Variants in CLASP1 observed in about 807,000 individuals in gnomAD.
The protein encoded by CLASP1 is CLIP-associating protein 1.
CLASP1 carries 38 observed loss-of-function variants against 192.3 expected under a neutral mutation model. That is an observed-to-expected ratio of 0.20 (90% CI 0.15 to 0.26). The LOEUF is 0.26. Ranked by LOEUF, CLASP1 falls within the 10% of genes least tolerant of loss-of-function variation. The pLI is 1.00. For missense variants in CLASP1, 1,433 were observed against 1,932.5 expected (o/e 0.74, Z 4.85); for synonymous variants, 691 against 712.8 (o/e 0.97, Z 0.49).
In CLASP1 at chr2:121,373,175, G is replaced by T. The variant is rs113572814; in HGVS notation, c.3642+4324C>A. Among the ~76,000 whole-genome samples the T allele has an allele frequency of 6.3e-3, 967 of 152,296 alleles. 12 individuals carry two copies. Among genetic ancestry groups the T allele is most frequent in the African/African-American group, 0.022 (923 of 41,546 alleles). ...TTGCTGTTCTCATGATAGTGAGTGA[G>T]TTCTCATAAGACCTGGTTGTTTAGA... On this transcript the variant is annotated intron_variant, in intron 34 of 39. Coordinates refer to ENST00000263710, the Ensembl canonical transcript of CLASP1.
At chr2:121,643,970 CA>C (rs1192689216) in intron 1 of CLASP1, among the ~76,000 whole-genome samples, 1 of 152,108 alleles carries the variant, frequency 6.6e-6, no homozygotes, top group African/African-American at 2.4e-5. Flanking sequence ...AACAAGGTCC[CA>C]AAGAGATTCC....
At chr2:121,505,573 T>C (rs1213218350) in intron 7 of CLASP1, among the ~76,000 whole-genome samples, 4 of 152,170 alleles carry the variant, frequency 2.6e-5, no homozygotes, top group African/African-American at 9.7e-5. Flanking sequence ...AGCACAAAAA[T>C]ATAAAATGTC....
chr2:121,608,214 G>T (rs75724348), intron 1 of CLASP1, among the ~76,000 whole-genome samples: 1 of 152,054 alleles, frequency 6.6e-6, no homozygotes, highest in Non-Finnish European at 1.5e-5. Flanking sequence ...TCAACGATAC[G>T]GGAAAACTTA....
chr2:121,630,707 T>TA (rs1559819868), intron 1 of CLASP1, among the ~76,000 whole-genome samples: 1 of 145,950 alleles, frequency 6.9e-6, no homozygotes, highest in African/African-American at 2.6e-5. Flanking sequence ...CTACTGAAAA[T>TA]AAAAAAATTA....
intron 2 of CLASP1, among the ~76,000 whole-genome samples, chr2:121,555,139 C>T (rs1343155187): frequency 6.6e-6 from 1 of 152,214 alleles, no homozygotes; most frequent in Non-Finnish European, 1.5e-5. Context: ...GCTCACGCTG[C>T]ACACAAACCT....
chr2:121,463,257 T>C (rs768640701), intron 9 of CLASP1, among the ~76,000 whole-genome samples: 37 of 152,176 alleles, frequency 2.4e-4, no homozygotes, highest in Non-Finnish European at 4.1e-4. Flanking sequence ...TTTTTTCACA[T>C]TGTAAAAATT....
chr2:121,594,572 T>C (rs1488518278), intron 2 of CLASP1, among the ~76,000 whole-genome samples: 1 of 151,844 alleles, frequency 6.6e-6, no homozygotes, highest in African/African-American at 2.4e-5. Flanking sequence ...TCTGTATTTT[T>C]AGTAGAGACG....
At chr2:121,410,967 G>T in exon 24 of CLASP1, 1 of 1,587,822 alleles carries the variant, frequency 6.3e-7, no homozygotes, top group Non-Finnish European at 8.6e-7. Flanking sequence ...AGCCCAAACC[G>T]ATCTATTTAA....
intron 6 of CLASP1, 108 bp downstream of exon 6, chr2:121,525,737 G>T (rs12052948): frequency 0.17 from 122,514 of 708,224 alleles, 16,326 homozygotes; most frequent in African/African-American, 0.56. Flanking sequence ...ATAATCATCA[G>T]TGTTCTGTGA....
intron 25 of CLASP1, among the ~76,000 whole-genome samples, chr2:121,406,877 C>T (rs1473525427): frequency 6.6e-6 from 1 of 152,118 alleles, no homozygotes; most frequent in African/African-American, 2.4e-5. Flanking sequence ...AGGTATGAGC[C>T]ACTGTGTCCA....
At chr2:121,545,209 C>T (rs1465837446) in intron 2 of CLASP1, among the ~76,000 whole-genome samples, 5 of 152,178 alleles carry the variant, frequency 3.3e-5, no homozygotes, top group African/African-American at 7.2e-5. Context: ...CCACTGCACC[C>T]GGCCTGGGTA....
intron 2 of CLASP1, among the ~76,000 whole-genome samples, chr2:121,583,973 T>A (rs539460844): frequency 1.3e-5 from 2 of 152,236 alleles, no homozygotes; most frequent in East Asian, 3.9e-4. Context: ...TTCTGCCATG[T>A]GAGGACACAG....
Position 121,525,800 on chromosome 2 carries a change from G to A in CLASP1, c.546+45C>T, listed in dbSNP as rs758477008. The stretch of plus-strand genomic sequence containing the variant: ...CGGAACACCAGAATGCATCTCAACA[G>A]TCTGTAAGCAATGACTTCTCCCGAG... On this transcript the variant is annotated intron_variant, in intron 6 of 39. Transcript: ENST00000263710. 1.5e-5 allele frequency: 20 copies of A among 1,369,516 alleles called. No homozygotes were observed. In the South Asian group the frequency reaches 2.3e-4, roughly 16 times the overall value. The allele number at this position is 1,369,516 out of a possible 1,614,324, so 84.8% of individuals were successfully genotyped here.
chr2:121,575,258 C>T (rs2060399333), intron 2 of CLASP1, among the ~76,000 whole-genome samples: 1 of 151,894 alleles, frequency 6.6e-6, no homozygotes, highest in Non-Finnish European at 1.5e-5. Context: ...ATTAGACGTG[C>T]ACCACCATGC....
chr2:121,603,832 T>C (rs2064090582), intron 2 of CLASP1, among the ~76,000 whole-genome samples: 1 of 152,216 alleles, frequency 6.6e-6, no homozygotes. Context: ...AGTTAAACAC[T>C]ACATGTTCTC....
intron 8 of CLASP1, among the ~76,000 whole-genome samples, chr2:121,479,059 CACA>C (rs1474145446): frequency 7.1e-5 from 6 of 84,232 alleles, no homozygotes; most frequent in African/African-American, 2.6e-4. Context: ...CCCCCCCCCA[CACA>C]CACACACACA....
intron 22 of CLASP1, among the ~76,000 whole-genome samples, chr2:121,422,629 A>G (rs1394503232): frequency 1.3e-5 from 2 of 152,222 alleles, no homozygotes; most frequent in African/African-American, 4.8e-5. Context: ...CCAAGAAAAA[A>G]GAGTATCAGG....
At chr2:121,349,082 T>C (rs1328161712) in intron 37 of CLASP1, among the ~76,000 whole-genome samples, 1 of 151,572 alleles carries the variant, frequency 6.6e-6, no homozygotes. Flanking sequence ...CTACTAAAAA[T>C]ACAAAAAATT....
intron 1 of CLASP1, among the ~76,000 whole-genome samples, chr2:121,613,853 C>T (rs2066012606): frequency 6.6e-6 from 1 of 152,080 alleles, no homozygotes; most frequent in South Asian, 2.1e-4. Flanking sequence ...TTAATATTTC[C>T]CATAAGTCTA....
Sources: gnomAD v4.1 joint callset for allele counts (sites outside exome capture counted in the v4.1 genomes callset) on GRCh38, gnomAD v4.1.1 for gene constraint, MANE v1.5 for transcripts, NCBI Gene and HGNC (gene_info 2026-07-23, HGNC 2026-07-21) for gene names.